The following STK3 variants were observed in gnomAD, a reference collection of about 807,000 sequenced individuals.
The protein encoded by STK3 is serine/threonine-protein kinase 3.
A neutral mutation model predicts 58.0 loss-of-function variants in STK3; 41 were observed. The ratio of observed to expected loss-of-function variants is 0.71; its 90% confidence interval spans 0.55 to 0.92. STK3 has a LOEUF of 0.92. Ranked by LOEUF, STK3 falls within the 40% of genes least tolerant of loss-of-function variation. STK3 has a pLI of 0.00. For synonymous variants in STK3, 170 were observed against 191.0 expected, an observed-to-expected ratio of 0.89 and a Z score of 0.91; for missense variants, 479 against 602.7, an observed-to-expected ratio of 0.79 and a Z score of 2.15.
intron 10 of STK3, among the ~76,000 whole-genome samples, chr8:98,464,601 C>T (rs1820320274): frequency 7.1e-6 from 1 of 140,240 alleles, no homozygotes; most frequent in Non-Finnish European, 1.6e-5. Context: ...AGAAAACATT[C>T]ATATATTAAG....
the STK3 span, among the ~76,000 whole-genome samples, chr8:98,364,979 C>G: frequency 9.0e-4 from 137 of 151,604 alleles, no homozygotes; most frequent in African/African-American, 3.0e-3. Flanking sequence ...CAATTTTACA[C>G]TGTTTTTCTC....
At chr8:98,535,444 T>G (rs1288653354) in intron 9 of STK3, among the ~76,000 whole-genome samples, 1 of 146,358 alleles carries the variant, frequency 6.8e-6, no homozygotes, top group South Asian at 2.2e-4. Context: ...CAGGACCACA[T>G]TGCTTTCATT....
the STK3 span, among the ~76,000 whole-genome samples, chr8:98,359,883 T>C: frequency 2.0e-5 from 3 of 152,196 alleles, no homozygotes; most frequent in African/African-American, 7.2e-5. Flanking sequence ...GAATGTGCCA[T>C]GTTTCCAGTG....
chr8:98,618,217 T>C (rs967070102), intron 6 of STK3, among the ~76,000 whole-genome samples: 1 of 151,338 alleles, frequency 6.6e-6, no homozygotes, highest in Non-Finnish European at 1.5e-5. Flanking sequence ...AAAAACCACA[T>C]GATTATCTCA....
At position 98,910,260 on chromosome 8, in the gene STK3, A is replaced by G. The variant is rs191886494; in HGVS notation, c.-78-26426T>C. 3.3e-5 allele frequency among the ~76,000 whole-genome samples: 5 copies of G among 152,334 alleles called. No individual in the cohort carries two copies. In the East Asian group the frequency reaches 9.6e-4, roughly 29 times the overall value. On this transcript the variant is annotated intron_variant, in intron 1 of 1. Transcript: ENST00000519420. ...TGCCACATAGGTATGTATTAATATA[A>G]CCACTTATACTTTTTAAAGTAATTT...
the STK3 span, among the ~76,000 whole-genome samples, chr8:98,359,591 A>C: frequency 6.6e-6 from 1 of 151,958 alleles, no homozygotes; most frequent in South Asian, 2.1e-4. Context: ...TTCTACCAGA[A>C]TCAGGCCACT....
intron 3 of STK3, among the ~76,000 whole-genome samples, chr8:98,422,911 T>C (rs979937031): frequency 1.3e-5 from 2 of 152,216 alleles, no homozygotes; most frequent in African/African-American, 4.8e-5. Flanking sequence ...TCTGATCTAA[T>C]TGGCCTGGTG....
intron 6 of STK3, among the ~76,000 whole-genome samples, chr8:98,668,988 C>CTTTTTTTTTTTTTTTTTTTTTTTTT (rs35407432): frequency 9.0e-6 from 1 of 111,130 alleles, no homozygotes. Context: ...TTAATCTTGT[C>CTTTTTTTTTTTTTTTTTTTTTTTTT]TTTTTTTTTT....
chr8:98,459,192 A>G (rs188430900), intron 10 of STK3, among the ~76,000 whole-genome samples: 168 of 152,370 alleles, frequency 1.1e-3, no homozygotes, highest in African/African-American at 3.8e-3. Flanking sequence ...CTCACTGGCA[A>G]CTGGAGCAAA....
At chr8:98,910,158 A>G (rs574585582) in intron 1 of STK3, among the ~76,000 whole-genome samples, 3 of 152,334 alleles carry the variant, frequency 2.0e-5, no homozygotes, top group East Asian at 3.9e-4. Context: ...AGAAATGTCT[A>G]TTCAGATCCT....
intron 3 of STK3, among the ~76,000 whole-genome samples, chr8:98,838,823 G>T (rs775878959): frequency 2.0e-5 from 3 of 151,824 alleles, no homozygotes; most frequent in African/African-American, 7.3e-5. Context: ...AACTCTCAAG[G>T]TTATTCCATT....
intron 1 of STK3, among the ~76,000 whole-genome samples, chr8:98,917,517 T>G (rs867972365): frequency 8.5e-5 from 13 of 152,260 alleles, no homozygotes; most frequent in South Asian, 2.1e-4. Context: ...ATGGACCGCT[T>G]AAGAACGGGA....
chr8:98,543,348 CA>C (rs1340493871), intron 9 of STK3, among the ~76,000 whole-genome samples: 3 of 152,028 alleles, frequency 2.0e-5, no homozygotes, highest in African/African-American at 7.2e-5. Flanking sequence ...AGGGCATAAG[CA>C]GAAGAGAAAT....
At chr8:98,661,404 C>A (rs919908547) in intron 6 of STK3, among the ~76,000 whole-genome samples, 72 of 152,148 alleles carry the variant, frequency 4.7e-4, no homozygotes, top group African/African-American at 1.7e-3. Flanking sequence ...ATCTCTGGGA[C>A]CTGTCCCTTT....
At chr8:98,590,394 T>C (rs963390241) in intron 7 of STK3, among the ~76,000 whole-genome samples, 7 of 152,186 alleles carry the variant, frequency 4.6e-5, no homozygotes, top group Non-Finnish European at 8.8e-5. Context: ...TCGGGCAGTG[T>C]CAGTCTTCAG....
intron 1 of STK3, among the ~76,000 whole-genome samples, chr8:98,789,699 A>G (rs943671054): frequency 2.6e-5 from 4 of 152,176 alleles, no homozygotes; most frequent in Admixed American, 6.5e-5. Context: ...TCCTGGCTTA[A>G]ATCAGGAAGA....
intron 3 of STK3, among the ~76,000 whole-genome samples, chr8:98,869,072 AAG>A (rs1837261125): frequency 3.4e-5 from 5 of 147,368 alleles, no homozygotes; most frequent in African/African-American, 1.3e-4. Context: ...GGAAGGAAGG[AAG>A]GAAGGAAGGA....
At chr8:98,508,366 G>A (rs12056323) in intron 10 of STK3, among the ~76,000 whole-genome samples, 59,484 of 151,898 alleles carry the variant, frequency 0.39, 11,946 homozygotes, top group Admixed American at 0.52. Context: ...AGAAGGAATA[G>A]TTGTGGCTCA....
At chr8:98,598,605 T>C (rs1422120812) in intron 6 of STK3, 1 of 985,406 alleles carries the variant, frequency 1.0e-6, no homozygotes, top group East Asian at 1.1e-4. Flanking sequence ...CTCTAGGTTT[T>C]ATATGAGTTG....
Sources: gnomAD v4.1 joint callset for allele counts (sites outside exome capture counted in the v4.1 genomes callset) on GRCh38, gnomAD v4.1.1 for gene constraint, MANE v1.5 for transcripts, NCBI Gene and HGNC (gene_info 2026-07-23, HGNC 2026-07-21) for gene names.